ZBTB25: variants seen among roughly 807,000 people sequenced by gnomAD.
ZBTB25 encodes the protein zinc finger and BTB domain-containing protein 25.
In ZBTB25, 20 loss-of-function variants were observed where a neutral mutation model predicts 34.2. That is an observed-to-expected ratio of 0.58 (90% CI 0.41 to 0.85). The LOEUF (loss-of-function observed/expected upper bound fraction) is 0.85. Among genes scored for constraint, ZBTB25 ranks in the 40% least tolerant of loss-of-function variants. ZBTB25 has a pLI of 0.00. For missense variants in ZBTB25, 437 were observed against 521.8 expected (o/e 0.84, Z 1.58); for synonymous variants, 175 against 186.4 (o/e 0.94, Z 0.50).
intron 2 of ZBTB25, among the ~76,000 whole-genome samples, chr14:64,453,098 C>T (rs1207848792): frequency 1.3e-5 from 2 of 151,184 alleles, no homozygotes; most frequent in Admixed American, 6.6e-5. Flanking sequence ...ATGTACTTAG[C>T]GAGAGATTTT....
chr14:64,460,625 G>A (rs2078542102), intron 2 of ZBTB25: 1 of 152,092 alleles, frequency 6.6e-6, no homozygotes, highest in Non-Finnish European at 1.5e-5. Flanking sequence ...CAAGTAGCTG[G>A]GATTATAGGC....
In ZBTB25 at chr14:64,479,033, T is replaced by C. The variant is rs1045351082; in HGVS notation, c.*7890A>G. 1.3e-5 allele frequency: 2 copies of C among 152,218 alleles called. No homozygotes were observed. The highest frequency in any genetic ancestry group is 2.9e-5 in the Non-Finnish European group (2 of 68,044). 9.4% of individuals were successfully genotyped at this position (152,218 alleles called of 1,614,324 possible). ...TTTTTAATAATCACATTTTTTCCTTTTATTTCTAATAATCACATTTTTATC... is the reference window on the plus strand; with the variant it reads ...TTTTTAATAATCACATTTTTTCCTTCTATTTCTAATAATCACATTTTTATC... On this transcript the variant is annotated 3_prime_UTR_variant, in exon 3 of 3. Coordinates refer to ENST00000608382, the MANE Select transcript of ZBTB25 (RefSeq NM_006977.5).
At chr14:64,454,923 C>T in intron 2 of ZBTB25, 2 of 1,594,160 alleles carry the variant, frequency 1.3e-6, no homozygotes, top group East Asian at 4.5e-5. Context: ...CACTTCTCGT[C>T]TGAAGTGTGT....
At chr14:64,500,390 A>C (rs965408868) in intron 1 of ZBTB25, among the ~76,000 whole-genome samples, 13 of 151,490 alleles carry the variant, frequency 8.6e-5, no homozygotes, top group Non-Finnish European at 2.9e-5. Flanking sequence ...TAACCAGAGA[A>C]GAAATGAATT....
At chr14:64,459,682 T>C (rs1205059234) in intron 2 of ZBTB25, 10 of 1,238,630 alleles carry the variant, frequency 8.1e-6, no homozygotes, top group Non-Finnish European at 9.9e-6. Flanking sequence ...GAGTGGGTAA[T>C]GGTGCAGTAT....
Position 64,487,996 on chromosome 14 carries a change from T to C in ZBTB25, c.235A>G (p.Ile79Val), listed in dbSNP as rs772559171. 58 of 1,614,048 alleles carry C rather than the reference T, an allele frequency of 3.6e-5. No individual in the cohort carries two copies. In the Middle Eastern group the frequency reaches 8.2e-4, roughly 23 times the overall value. ...TTTGGCCCTTTCCCCGTGTACATAA[T>C]GTGCAACAAATAGCTGAATATGTCA... ...QPDIFSYLLH[I>V]MYTGKGPKQI... The change falls in exon 3 of 3, where the codon ATT (isoleucine) becomes GTT (valine). Residue 79 changes from isoleucine (I) to valine (V), a missense_variant. Coordinates refer to ENST00000608382, the MANE Select transcript of ZBTB25 (RefSeq NM_006977.5).
intron 1 of ZBTB25, among the ~76,000 whole-genome samples, chr14:64,498,446 T>C (rs1382425069): frequency 6.6e-6 from 1 of 151,598 alleles, no homozygotes; most frequent in African/African-American, 2.4e-5. Flanking sequence ...CCTGAGTAGC[T>C]GGGATTACAG....
chr14:64,504,626 C>A, upstream of ZBTB25: 1 of 305,420 alleles, frequency 3.3e-6, no homozygotes, highest in Non-Finnish European at 6.0e-6. Context: ...TAGCAGCCAG[C>A]GGCAGAGTGG....
Position 64,485,679 on chromosome 14 carries a change from T to G in ZBTB25, c.*1244A>C, listed in dbSNP as rs1433401515. On this transcript the variant is annotated 3_prime_UTR_variant, in exon 3 of 3. Transcript: ENST00000608382. Reference sequence around the variant, plus strand: ...TATGGATCAGGAAAAAAGTGAAAACTGTGCCACTGAAAAATTACTTTTTCA... The same window carrying G: ...TATGGATCAGGAAAAAAGTGAAAACGGTGCCACTGAAAAATTACTTTTTCA... The G allele has an allele frequency of 2.0e-6, 2 of 985,186 alleles. No homozygotes were observed. Among genetic ancestry groups the G allele is most frequent in the Non-Finnish European group, 2.4e-6 (2 of 829,930 alleles). 61.0% of individuals were successfully genotyped at this position (985,186 alleles called of 1,614,324 possible).
intron 2 of ZBTB25, chr14:64,469,028 G>A: frequency 1.9e-6 from 3 of 1,614,208 alleles, no homozygotes; most frequent in South Asian, 2.2e-5. Context: ...AGTGATTTCA[G>A]TAGAACTTGG....
intron 2 of ZBTB25, among the ~76,000 whole-genome samples, chr14:64,456,439 C>A (rs1416009677): frequency 6.6e-6 from 1 of 152,138 alleles, no homozygotes; most frequent in Non-Finnish European, 1.5e-5. Context: ...TGTGCGTACA[C>A]ATAATATTGT....
rs755385974 is a variant in ZBTB25 at position 64,487,141 on chromosome 14, A to G, written c.1090T>C (p.Leu364=). The G allele has an allele frequency of 6.2e-7, 1 of 1,614,104 alleles. No homozygotes were observed. Among genetic ancestry groups the G allele is most frequent in the East Asian group, 2.2e-5 (1 of 44,892 alleles). Residue 364 remains leucine (L), a synonymous_variant, in exon 3 of 3, where the codon TTG becomes CTG. Coordinates refer to ENST00000608382, the MANE Select transcript of ZBTB25 (RefSeq NM_006977.5). ...CGHKFPRKSQ[L]LEHMYTHKGK... ...TTGTGTGTATACATGTGTTCCAACAATTGGCTCTTTCGAGGGAATTTATGA... is the reference window on the plus strand; with the variant it reads ...TTGTGTGTATACATGTGTTCCAACAGTTGGCTCTTTCGAGGGAATTTATGA...
rs763240378 is a variant in ZBTB25 at position 64,449,476 on chromosome 14, A to G, written c.*75T>C. ...TACAGAGTCTGAGCTGGACCTCATC[A>G]GCCGCCTTTCCAGAGAACATGGGGC... On this transcript the variant is annotated 3_prime_UTR_variant, in exon 3 of 3. Coordinates refer to the ZBTB25 transcript ENST00000555220. 6.2e-7 allele frequency: 1 copy of G among 1,613,922 alleles called. No individual in the cohort carries two copies. Among genetic ancestry groups the G allele is most frequent in the South Asian group, 1.1e-5 (1 of 91,072 alleles).
chr14:64,461,999 T>C (rs1270795826), intron 2 of ZBTB25: 1 of 152,190 alleles, frequency 6.6e-6, no homozygotes, highest in Non-Finnish European at 1.5e-5. Context: ...TTGTCAGATA[T>C]GGTGACTTAA....
At chr14:64,458,779 G>C (rs1050029846) in intron 2 of ZBTB25, 7 of 204,410 alleles carry the variant, frequency 3.4e-5, no homozygotes, top group Non-Finnish European at 7.0e-5. Context: ...GCAGTTCTTA[G>C]GGCCTTAGGT....
chr14:64,452,747 C>T (rs1170048384), intron 2 of ZBTB25, among the ~76,000 whole-genome samples: 1 of 152,178 alleles, frequency 6.6e-6, no homozygotes, highest in Non-Finnish European at 1.5e-5. Context: ...TGGCATCTGC[C>T]TCTCATATAC....
Position 64,487,049 on chromosome 14 carries a change from T to C in ZBTB25, c.1182A>G (p.Pro394=), listed in dbSNP as rs1188205051. The C allele has an allele frequency of 2.5e-6, 4 of 1,614,114 alleles. No individual in the cohort carries two copies. The highest frequency in any genetic ancestry group is 1.3e-5 in the African/African-American group (1 of 74,948). ...AGACATCAGACCAGCTGTCACAGTA[T>C]GGCTGAAATCTCTGGGCCAATGCAT... ...FGNALAQRFQ[P]YCDSWSDVSL... Residue 394 remains proline (P), a synonymous_variant, in exon 3 of 3, where the codon CCA becomes CCG. Coordinates refer to ENST00000608382, the MANE Select transcript of ZBTB25 (RefSeq NM_006977.5).
chr14:64,494,125 G>T lies in ZBTB25; in HGVS notation c.-7-3585C>A, dbSNP rs140538071. ...TTGGAAAACAGAAAAGACAAAATAA[G>T]ACAGAGGAGGAGAAAAAAGAAAACA... On this transcript the variant is annotated intron_variant, in intron 1 of 2. Coordinates refer to ENST00000608382, the MANE Select transcript of ZBTB25 (RefSeq NM_006977.5). Among the ~76,000 whole-genome samples, 314 of 152,288 alleles carry T rather than the reference G, an allele frequency of 2.1e-3. 1 individual carries two copies. Among genetic ancestry groups the T allele is most frequent in the African/African-American group, 7.1e-3 (297 of 41,562 alleles).
At chr14:64,503,303 C>G (rs2079559573) in intron 1 of ZBTB25, 1 of 985,324 alleles carries the variant, frequency 1.0e-6, no homozygotes, top group Admixed American at 6.1e-5. Flanking sequence ...GGGGTCGGCG[C>G]TACCCGAGGG....
Sources: gnomAD v4.1 joint callset for allele counts (sites outside exome capture counted in the v4.1 genomes callset) on GRCh38, gnomAD v4.1.1 for gene constraint, MANE v1.5 for transcripts, NCBI Gene and HGNC (gene_info 2026-07-23, HGNC 2026-07-21) for gene names.